The following TRRAP variants were observed in gnomAD, a reference collection of about 807,000 sequenced individuals.
TRRAP encodes transformation/transcription domain-associated protein.
In TRRAP, 41 loss-of-function variants were observed where a neutral mutation model predicts 438.8. That is an observed-to-expected ratio of 0.09 (90% CI 0.07 to 0.12). The LOEUF (loss-of-function observed/expected upper bound fraction) is 0.12. TRRAP is among the 10% of genes least tolerant of loss of function. TRRAP has a pLI of 1.00. For missense variants in TRRAP, 3,122 were observed against 5,055.1 expected (o/e 0.62, Z 11.60); for synonymous variants, 1,994 against 1,962.9 (o/e 1.02, Z -0.42).
intron 20 of TRRAP, among the ~76,000 whole-genome samples, chr7:98,920,760 A>T (rs533031723): frequency 2.9e-4 from 44 of 152,292 alleles, no homozygotes; most frequent in African/African-American, 1.0e-3. Context: ...TAATAAATAG[A>T]CTTAAAAACC....
intron 30 of TRRAP, among the ~76,000 whole-genome samples, chr7:98,938,377 T>A (rs1214089332): frequency 6.6e-6 from 1 of 152,112 alleles, no homozygotes; most frequent in Admixed American, 6.5e-5. Context: ...TCAGATGGCT[T>A]AAAATTGAAA....
chr7:98,937,851 C>T, intron 30 of TRRAP, 31 bp downstream of exon 30: 1 of 1,570,928 alleles, frequency 6.4e-7, no homozygotes, highest in Non-Finnish European at 8.6e-7. Context: ...CGCTCTGTAA[C>T]AAACTTTCAA....
chr7:98,999,534 T>C (rs778370694), intron 67 of TRRAP: 1 of 726,708 alleles, frequency 1.4e-6, no homozygotes, highest in East Asian at 2.5e-5. Flanking sequence ...CCAGGGTCTC[T>C]TGCTTAAGAA....
At chr7:98,940,386 C>G (rs1554415309) in intron 30 of TRRAP, among the ~76,000 whole-genome samples, 1 of 151,748 alleles carries the variant, frequency 6.6e-6, no homozygotes, top group African/African-American at 2.4e-5. Flanking sequence ...GACGGGGCTT[C>G]GTCATGTTGG....
intron 23 of TRRAP, among the ~76,000 whole-genome samples, chr7:98,928,959 A>G (rs1389016969): frequency 1.9e-4 from 25 of 135,116 alleles, no homozygotes; most frequent in Non-Finnish European, 4.0e-4. Context: ...TTTTTTTCAG[A>G]CGGGGTCTTG....
intron 3 of TRRAP, among the ~76,000 whole-genome samples, chr7:98,889,339 C>G (rs904790796): frequency 1.3e-5 from 2 of 152,106 alleles, no homozygotes; most frequent in Non-Finnish European, 2.9e-5. Context: ...CACAACACTT[C>G]CGAGCATTTC....
intron 18 of TRRAP, among the ~76,000 whole-genome samples, chr7:98,913,748 T>G (rs1789389559): frequency 1.3e-5 from 2 of 152,204 alleles, no homozygotes; most frequent in African/African-American, 4.8e-5. Flanking sequence ...CATCATACAT[T>G]TTTATGGATG....
At chr7:98,949,946 A>G in intron 37 of TRRAP, 105 bp downstream of exon 37, 1 of 1,567,674 alleles carries the variant, frequency 6.4e-7, no homozygotes, top group South Asian at 1.2e-5. Context: ...GGATGCGTGC[A>G]GTCAGATTGG....
At position 98,930,090 on chromosome 7, in the gene TRRAP, A is replaced by G. The variant is rs1554412490; in HGVS notation, c.3277A>G (p.Ile1093Val). 3.1e-6 allele frequency: 5 copies of G among 1,614,028 alleles called. No homozygotes were observed. ...GAAAGGAATGGATCCTTTGGTTCTC[A>G]TTGATGCAATTGCTATTTGTATGGC... ...GSKGMDPLVL[I>V]DAIAICMAYE... The change falls in exon 24 of 73, where the codon ATT becomes GTT. Residue 1093 changes from isoleucine to valine, a missense_variant. This residue lies in a region of TRRAP where 54 missense variants were observed against 74.6 expected (regional missense o/e 0.72). Coordinates refer to ENST00000456197, the MANE Select transcript of TRRAP (RefSeq NM_001375524.1).
intron 20 of TRRAP, among the ~76,000 whole-genome samples, chr7:98,918,445 G>A (rs1194478277): frequency 1.3e-5 from 2 of 151,730 alleles, no homozygotes; most frequent in African/African-American, 2.4e-5. Context: ...GGCCAGGCTG[G>A]TCTCAAACTC....
At chr7:98,925,004 C>CA (rs782031495) in intron 21 of TRRAP, 108 bp from the exon 22 acceptor site, 101,514 of 1,022,592 alleles carry the variant, frequency 0.099, 5 homozygotes, top group East Asian at 0.11. Context: ...GACTCCGTCT[C>CA]AAAAAAAAAA....
rs541384759 is a variant in TRRAP, at chr7:98,975,579, G to A, written c.7840-570G>A. On this transcript the variant is annotated intron_variant, in intron 53 of 72. Coordinates refer to ENST00000456197, the MANE Select transcript of TRRAP (RefSeq NM_001375524.1). ...TCCAGGCCCTCAGTTTCGACTTCGGGCTCTAGTTGTCCAGGCGTTCCGTTC... is the reference window on the plus strand; with the variant it reads ...TCCAGGCCCTCAGTTTCGACTTCGGACTCTAGTTGTCCAGGCGTTCCGTTC... 2.6e-5 allele frequency among the ~76,000 whole-genome samples: 4 copies of A among 152,324 alleles called. 1 individual carries two copies. Among genetic ancestry groups the A allele is most frequent in the African/African-American group, 9.6e-5 (4 of 41,584 alleles).
At chr7:98,951,892 C>G (rs1308502078) in intron 39 of TRRAP, among the ~76,000 whole-genome samples, 7 of 152,070 alleles carry the variant, frequency 4.6e-5, no homozygotes, top group Admixed American at 1.3e-4. Flanking sequence ...GGGGTCCAGA[C>G]AGGACCCCTT....
At chr7:98,978,971 T>C (rs1792789865) in intron 58 of TRRAP, 67 bp downstream of exon 58, 2 of 1,595,204 alleles carry the variant, frequency 1.3e-6, no homozygotes, top group South Asian at 2.2e-5. Context: ...AGGTGTCTCT[T>C]GGGAGATTTC....
Position 98,994,441 on chromosome 7 carries a change from G to T in TRRAP, c.10048-146G>T. The T allele has an allele frequency of 8.2e-7, 1 of 1,222,588 alleles. No individual in the cohort carries two copies. The highest frequency in any genetic ancestry group is 1.1e-6 in the Non-Finnish European group (1 of 871,344). The allele number at this position is 1,222,588 out of a possible 1,614,324, so 75.7% of individuals were successfully genotyped here. A position where few individuals can be genotyped will look rare whatever the true frequency, so the allele number is the denominator to read the frequency against. ...AGGCGTCCCGTTTCTTGCACACGCCGATTTCATGCCTGCTGTGTGTGGGTC... is the reference window on the plus strand; with the variant it reads ...AGGCGTCCCGTTTCTTGCACACGCCTATTTCATGCCTGCTGTGTGTGGGTC... On this transcript the variant is annotated intron_variant, in intron 66 of 72. Transcript: ENST00000456197. This position sits in a 1 kb window ranked among gnomAD's most constrained non-coding sequence, Gnocchi z 4.8.
At position 98,899,743 on chromosome 7, in the gene TRRAP, C is replaced by T. The variant is rs781958044; in HGVS notation, c.776C>T (p.Ala259Val). 2 of 1,614,144 alleles carry T rather than the reference C, an allele frequency of 1.2e-6. No individual in the cohort carries two copies. The highest frequency in any genetic ancestry group is 1.7e-6 in the Non-Finnish European group (2 of 1,180,028). The change falls in exon 10 of 73, where the codon GCC becomes GTC. Residue 259 changes from alanine to valine, a missense_variant. By Grantham distance (64) the Ala-to-Val change is moderately conservative. Around this residue, in one of 24 missense-constraint regions of TRRAP, gnomAD observed 343 missense variants for 564.0 expected, o/e 0.61. Coordinates refer to ENST00000456197, the MANE Select transcript of TRRAP (RefSeq NM_001375524.1). ...GTGCCCTTGATCATGAACACCATTG[C>T]CATTCAGGTGTCTGCACAAGCGAGG... ...EFVPLIMNTI[A>V]IQVSAQARQH...
intron 70 of TRRAP, 77 bp from the exon 71 acceptor site, chr7:99,010,975 A>G: frequency 2.3e-6 from 3 of 1,298,400 alleles, no homozygotes; most frequent in Non-Finnish European, 3.2e-6. Flanking sequence ...TTAAAGAGGA[A>G]TTGCAATTTG....
chr7:98,880,259 G>T (rs1372459181), intron 1 of TRRAP, among the ~76,000 whole-genome samples: 651 of 33,440 alleles, frequency 0.019, 5 homozygotes, highest in Middle Eastern at 0.05. Context: ...TGTTGTTGTT[G>T]TTGTTTTTTT....
rs781860116 is a variant in TRRAP, at chr7:98,925,158, C to G, written c.2870C>G (p.Pro957Arg). 3 of 1,614,182 alleles carry G rather than the reference C, an allele frequency of 1.9e-6. No homozygotes were observed. Among genetic ancestry groups the G allele is most frequent in the Non-Finnish European group, 2.5e-6 (3 of 1,180,040 alleles). The change falls in exon 22 of 73, where the codon CCC becomes CGC. Residue 957 changes from proline (P) to arginine (R), a missense_variant. Transcript: ENST00000456197. ...LDCLKSANTE[P>R]YYRRQAWEVI... ...TGCCTGAAAAGCGCCAACACTGAGC[C>G]CTACTACCGGAGGCAGGCGTGGGAA...
Sources: gnomAD v4.1 joint callset for allele counts (sites outside exome capture counted in the v4.1 genomes callset) on GRCh38, gnomAD v4.1.1 for gene constraint, gnomAD v4.1.1 regional missense constraint, Gnocchi (gnomAD v3.1) non-coding constraint, MANE v1.5 for transcripts, NCBI Gene and HGNC (gene_info 2026-07-23, HGNC 2026-07-21) for gene names.